Variants in PMPCB observed in about 807,000 individuals in gnomAD.
PMPCB encodes mitochondrial-processing peptidase subunit beta.
PMPCB carries 46 observed loss-of-function variants against 61.5 expected under a neutral mutation model. That is an observed-to-expected ratio of 0.75 (90% CI 0.59 to 0.96). PMPCB has a LOEUF of 0.96. PMPCB is among the 40% of genes least tolerant of loss of function. The probability of loss-of-function intolerance (pLI) is 0.00; values close to 1 mark genes in which losing one functional copy is unlikely to be tolerated. For missense variants in PMPCB, 590 were observed against 602.4 expected (o/e 0.98, Z 0.22); for synonymous variants, 191 against 201.6 (o/e 0.95, Z 0.44).
intron 4 of PMPCB, among the ~76,000 whole-genome samples, chr7:103,301,071 A>C (rs1238362524): frequency 2.0e-5 from 3 of 152,208 alleles, no homozygotes; most frequent in Non-Finnish European, 4.4e-5. Flanking sequence ...TTCATTAATA[A>C]TGTTTAAATG....
chr7:103,301,559 C>T (rs984227075), intron 4 of PMPCB, among the ~76,000 whole-genome samples: 10 of 152,108 alleles, frequency 6.6e-5, no homozygotes, highest in Non-Finnish European at 1.3e-4. Flanking sequence ...GACTTTTTTC[C>T]CCCTTTTCTC....
chr7:103,330,376 C>T (rs1818917044), downstream of PMPCB, among the ~76,000 whole-genome samples: 1 of 152,078 alleles, frequency 6.6e-6, no homozygotes, highest in African/African-American at 2.4e-5. Context: ...TAGTCTTAAC[C>T]TCCCCGGCTC....
At chr7:103,306,875 C>T (rs1817607471) in intron 6 of PMPCB, among the ~76,000 whole-genome samples, 2 of 152,304 alleles carry the variant, frequency 1.3e-5, no homozygotes, top group East Asian at 3.9e-4. Context: ...CCTGCCTCAG[C>T]CTCCTGAATA....
chr7:103,320,138 G>C (rs1818301718), intron 12 of PMPCB, among the ~76,000 whole-genome samples: 1 of 152,072 alleles, frequency 6.6e-6, no homozygotes, highest in Admixed American at 6.5e-5. Flanking sequence ...GCCCAGGCTG[G>C]AGTCCAGTGG....
chr7:103,324,421 C>CT, intron 12 of PMPCB: 1 of 1,363,176 alleles, frequency 7.3e-7, no homozygotes, highest in African/African-American at 1.5e-5. Context: ...CAATCAAGTA[C>CT]TTATTGAATA....
At chr7:103,298,732 C>A in intron 2 of PMPCB, 24 bp downstream of exon 2, 2 of 1,600,034 alleles carry the variant, frequency 1.2e-6, no homozygotes, top group Non-Finnish European at 1.7e-6. Flanking sequence ...GCAACCTTCT[C>A]TAAGTGACCC....
At chr7:103,340,222 T>C in the PMPCB span, among the ~76,000 whole-genome samples, 2 of 152,214 alleles carry the variant, frequency 1.3e-5, no homozygotes, top group Admixed American at 1.3e-4. Flanking sequence ...TAACAAAGTG[T>C]CTTTTTCTTT....
chr7:103,347,294 C>A, the PMPCB span, among the ~76,000 whole-genome samples: 1 of 152,182 alleles, frequency 6.6e-6, no homozygotes, highest in Non-Finnish European at 1.5e-5. Flanking sequence ...CATTTCCTAA[C>A]AGTGATGTTG....
intron 4 of PMPCB, among the ~76,000 whole-genome samples, chr7:103,303,031 G>T (rs937231149): frequency 3.3e-5 from 5 of 151,846 alleles, no homozygotes; most frequent in Non-Finnish European, 7.4e-5. Context: ...TGATAAAATT[G>T]CTTAATGGCC....
intron 2 of PMPCB, 150 bp from the exon 3 acceptor site, chr7:103,299,293 G>C (rs920342129): frequency 5.2e-6 from 3 of 580,142 alleles, no homozygotes; most frequent in Non-Finnish European, 9.1e-6. Flanking sequence ...AAATCTCATA[G>C]TTCACAGGAA....
Position 103,320,021 on chromosome 7 carries a change from A to G in PMPCB, c.*1431+7890A>G, listed in dbSNP as rs148077765. Among the ~76,000 whole-genome samples, 575 of 152,306 alleles carry G rather than the reference A, an allele frequency of 3.8e-3. 4 individuals carry two copies. Among genetic ancestry groups the G allele is most frequent in the African/African-American group, 0.014 (566 of 41,566 alleles). On this transcript the variant is annotated intron_variant and NMD_transcript_variant, in intron 12 of 12. Coordinates refer to the PMPCB transcript ENST00000444457. ...TGCACTCCAGCCTGGACAACAGAGCAAGACTCCATCTCAAAAAAACAGACA... is the reference window on the plus strand; with the variant it reads ...TGCACTCCAGCCTGGACAACAGAGCGAGACTCCATCTCAAAAAAACAGACA...
downstream of PMPCB, chr7:103,316,686 C>T (rs1156846971): frequency 6.0e-6 from 4 of 662,088 alleles, no homozygotes; most frequent in Admixed American, 2.9e-5. Context: ...CTTCAAAATG[C>T]ACCTCACTTT....
chr7:103,319,835 G>A, intron 12 of PMPCB: 2 of 1,614,062 alleles, frequency 1.2e-6, no homozygotes, highest in South Asian at 2.2e-5. Context: ...TCAGAAAAAT[G>A]ATTCCAGGTC....
rs1255165925 is a variant in PMPCB at position 103,314,521 on chromosome 7, G to A, written c.*2250G>A. ...CCACCTCCCTCCAACATGGAAACAA[G>A]TCCCCCTAAGAAAGAGCTGAGACTA... On this transcript the variant is annotated 3_prime_UTR_variant, in exon 13 of 13. Transcript: ENST00000249269. The A allele has an allele frequency of 1.0e-6, 1 of 985,230 alleles. No individual in the cohort carries two copies. The highest frequency in any genetic ancestry group is 1.2e-6 in the Non-Finnish European group (1 of 829,924). 61.0% of individuals were successfully genotyped at this position (985,230 alleles called of 1,614,324 possible). A position where few individuals can be genotyped will look rare whatever the true frequency, so the allele number is the denominator to read the frequency against.
At chr7:103,337,193 G>A in the PMPCB span, 1 of 152,662 alleles carries the variant, frequency 6.6e-6, no homozygotes, top group Admixed American at 6.5e-5. Context: ...ACATTTAGGA[G>A]CATTAAGGGA....
intron 12 of PMPCB, chr7:103,326,647 T>A: frequency 2.5e-6 from 4 of 1,613,226 alleles, no homozygotes; most frequent in Non-Finnish European, 3.4e-6. Context: ...CACTGTTAAA[T>A]GCTCGTCTTT....
rs747235029 is a variant in PMPCB at position 103,304,051 on chromosome 7, CAG to C, written c.656+13_656+14del. 5.1e-6 allele frequency: 8 copies of C among 1,576,490 alleles called. No homozygotes were observed. Among genetic ancestry groups the C allele is most frequent in the African/African-American group, 4.1e-5 (3 of 73,974 alleles). ...AACTGAAAATATCAAGTAGGTATAACAGAATTTCTTGGTGTATAAGGGAATTT... is the reference window on the plus strand; with the variant it reads ...AACTGAAAATATCAAGTAGGTATAACAATTTCTTGGTGTATAAGGGAATTT... On this transcript the variant is annotated intron_variant, in intron 5 of 12. Transcript: ENST00000249269.
At chr7:103,346,056 T>C in the PMPCB span, among the ~76,000 whole-genome samples, 593 of 152,276 alleles carry the variant, frequency 3.9e-3, 5 homozygotes, top group African/African-American at 0.014. Flanking sequence ...CTCCACTTTC[T>C]TCATATTAAT....
At position 103,314,422 on chromosome 7, in the gene PMPCB, C is replaced by T. The variant is rs924656982; in HGVS notation, c.*2151C>T. ...AGGCAAAGGAGTCATACCCACATAG[C>T]ACTACTGCCAGTCACTCTTGCCTTC... On this transcript the variant is annotated 3_prime_UTR_variant, in exon 13 of 13. Transcript: ENST00000249269. 2.0e-6 allele frequency: 2 copies of T among 985,252 alleles called. No homozygotes were observed. The highest frequency in any genetic ancestry group is 1.7e-5 in the African/African-American group (1 of 57,212). 61.0% of individuals were successfully genotyped at this position (985,252 alleles called of 1,614,324 possible). A position where few individuals can be genotyped will look rare whatever the true frequency, so the allele number is the denominator to read the frequency against.
Sources: gnomAD v4.1 joint callset for allele counts (sites outside exome capture counted in the v4.1 genomes callset) on GRCh38, gnomAD v4.1.1 for gene constraint, MANE v1.5 for transcripts, NCBI Gene and HGNC (gene_info 2026-07-23, HGNC 2026-07-21) for gene names.